CRB1: variants seen among roughly 807,000 people sequenced by gnomAD.
The protein encoded by CRB1 is crumbs cell polarity complex component 1.
Under a neutral mutation model 120.0 loss-of-function variants are expected in CRB1, and 83 were observed. The observed-to-expected ratio is 0.69, with a 90% CI of 0.58 to 0.83. CRB1 has a LOEUF of 0.83. CRB1 is among the 40% of genes least tolerant of loss of function. The pLI is 0.00. For missense variants in CRB1, 1,699 were observed against 1,687.6 expected, an observed-to-expected ratio of 1.01 and a Z score of -0.12; for synonymous variants, 625 against 612.5, an observed-to-expected ratio of 1.02 and a Z score of -0.30.
chr1:197,222,170 G>C, the CRB1 span: 1 of 414,646 alleles, frequency 2.4e-6, no homozygotes, highest in Non-Finnish European at 4.6e-6. Context: ...GCTTGCCTGT[G>C]TCCTGCCGGC....
At chr1:197,410,725 T>C (rs1018809011) in intron 5 of CRB1, among the ~76,000 whole-genome samples, 1 of 152,232 alleles carries the variant, frequency 6.6e-6, no homozygotes, top group Non-Finnish European at 1.5e-5. Flanking sequence ...TGCGGCATAT[T>C]CTTTACTTAA....
intron 1 of CRB1, among the ~76,000 whole-genome samples, chr1:197,299,217 G>A (rs75397880): frequency 0.014 from 2,142 of 152,160 alleles, 26 homozygotes; most frequent in Non-Finnish European, 0.023. Flanking sequence ...TCACAGAAGA[G>A]GAAGCACGAA....
intron 1 of CRB1, among the ~76,000 whole-genome samples, chr1:197,282,392 G>C (rs1655572597): frequency 6.6e-6 from 1 of 151,842 alleles, no homozygotes; most frequent in African/African-American, 2.4e-5. Context: ...TTAAATATGA[G>C]TGTTCCTACT....
intron 5 of CRB1, among the ~76,000 whole-genome samples, chr1:197,382,521 TA>T (rs1225608601): frequency 6.6e-6 from 1 of 152,136 alleles, no homozygotes. Flanking sequence ...TCTCAGAAAA[TA>T]TACTATAATA....
intron 11 of CRB1, chr1:197,443,814 C>T (rs1665573129): frequency 6.6e-6 from 1 of 151,612 alleles, no homozygotes; most frequent in Admixed American, 6.6e-5. Flanking sequence ...TTTAAAAAAA[C>T]TTTCTTAATG....
intron 5 of CRB1, among the ~76,000 whole-genome samples, chr1:197,413,393 T>C (rs1295689556): frequency 1.3e-5 from 2 of 152,190 alleles, no homozygotes; most frequent in Non-Finnish European, 2.9e-5. Flanking sequence ...AAGCCTTTAC[T>C]CTTTTTTCTT....
upstream of CRB1, among the ~76,000 whole-genome samples, chr1:197,263,607 CT>C (rs1654564813): frequency 2.0e-5 from 3 of 152,010 alleles, no homozygotes; most frequent in South Asian, 4.2e-4. Context: ...ATTCAGTGAG[CT>C]TTTCTAAATT....
intron 5 of CRB1, among the ~76,000 whole-genome samples, chr1:197,376,439 C>CACAAA (rs1661650187): frequency 6.6e-6 from 1 of 152,026 alleles, no homozygotes; most frequent in Non-Finnish European, 1.5e-5. Context: ...AACAAAAATT[C>CACAAA]ACAAAACGAC....
chr1:197,344,571 C>T (rs1218777198), intron 3 of CRB1, 95 bp downstream of exon 3: 2 of 1,245,844 alleles, frequency 1.6e-6, no homozygotes, highest in Non-Finnish European at 2.4e-6. Context: ...ACGTTCTCGG[C>T]TTAAAATTTG....
chr1:197,433,705 C>T (rs1664987501), intron 8 of CRB1, among the ~76,000 whole-genome samples: 1 of 151,644 alleles, frequency 6.6e-6, no homozygotes, highest in African/African-American at 2.4e-5. Flanking sequence ...TGGGAAACAA[C>T]AAAATGGAAG....
chr1:197,450,784 CAAAAAAAAAAAAAAA>C (rs71131758), intron 11 of CRB1, among the ~76,000 whole-genome samples: 1 of 59,624 alleles, frequency 1.7e-5, no homozygotes, highest in South Asian at 8.6e-4. Flanking sequence ...ACTAAAAATA[CAAAAAAAAAAAAAAA>C]AAAAAAAAAA....
the CRB1 span, among the ~76,000 whole-genome samples, chr1:197,250,526 CATTACATTACATTAT>C: frequency 6.6e-6 from 1 of 151,924 alleles, no homozygotes; most frequent in Non-Finnish European, 1.5e-5. Flanking sequence ...ATTTACATTA[CATTACATTACATTAT>C]ATTACATTAC....
chr1:197,407,458 G>A (rs1278159488), intron 5 of CRB1, among the ~76,000 whole-genome samples: 1 of 152,174 alleles, frequency 6.6e-6, no homozygotes, highest in Non-Finnish European at 1.5e-5. Flanking sequence ...CAGCTTCTTT[G>A]AACTGACACA....
intron 1 of CRB1, among the ~76,000 whole-genome samples, chr1:197,273,974 C>A (rs897875064): frequency 1.3e-5 from 2 of 152,018 alleles, no homozygotes; most frequent in East Asian, 3.9e-4. Flanking sequence ...TTTAGGCAAT[C>A]TCAGCTGAAA....
chr1:197,453,754 C>T (rs974265470), intron 11 of CRB1, among the ~76,000 whole-genome samples: 2 of 145,316 alleles, frequency 1.4e-5, no homozygotes, highest in Middle Eastern at 3.6e-3. Context: ...TTTTCTTCTT[C>T]TACTTCCTCT....
chr1:197,220,318 G>T, the CRB1 span, among the ~76,000 whole-genome samples: 1 of 152,122 alleles, frequency 6.6e-6, no homozygotes, highest in Non-Finnish European at 1.5e-5. Flanking sequence ...GTAAAAAGAT[G>T]TATAAACAAG....
At chr1:197,371,706 C>T (rs1386822086) in intron 5 of CRB1, among the ~76,000 whole-genome samples, 1 of 152,122 alleles carries the variant, frequency 6.6e-6, no homozygotes, top group Non-Finnish European at 1.5e-5. Flanking sequence ...CACCCAACTC[C>T]CACAGGGTTG....
At position 197,421,515 on chromosome 1, in the gene CRB1, A is replaced by G. The variant is rs1193275021; in HGVS notation, c.1687A>G (p.Ser563Gly). ...GCTTCTGTTCATTTCCCACAACACC[A>G]GCGATGGAGAGTGGCATTTCGTGGA... The part of the protein sequence containing the change: ...KVLLFISHNT[S>G]DGEWHFVEVI... The change falls in exon 6 of 12, where the codon AGC (serine) becomes GGC (glycine). Residue 563 changes from serine to glycine, a missense_variant. Transcript: ENST00000367400. 5.0e-6 allele frequency: 8 copies of G among 1,614,212 alleles called. No individual in the cohort carries two copies. The highest frequency in any genetic ancestry group is 5.9e-6 in the Non-Finnish European group (7 of 1,180,024).
chr1:197,242,388 G>A, the CRB1 span, among the ~76,000 whole-genome samples: 2 of 152,194 alleles, frequency 1.3e-5, no homozygotes, highest in African/African-American at 4.8e-5. Flanking sequence ...TAGCATGAAG[G>A]GGTGTTTAAT....
Sources: allele counts gnomAD v4.1 joint callset (sites outside exome capture counted in the v4.1 genomes callset), GRCh38; gene constraint gnomAD v4.1.1; transcripts MANE v1.5; gene names NCBI Gene and HGNC (gene_info 2026-07-23, HGNC 2026-07-21).